Variants in KCNN3 observed in about 807,000 individuals in gnomAD.
KCNN3 encodes the protein potassium calcium-activated channel subfamily N member 3, also known as small conductance calcium-activated potassium channel protein 3.
Under a neutral mutation model 62.9 loss-of-function variants are expected in KCNN3, and 16 were observed. The ratio of observed to expected loss-of-function variants is 0.25; its 90% CI spans 0.17 to 0.39. KCNN3 has a LOEUF of 0.39. KCNN3 is among the 10% of genes least tolerant of loss of function. The pLI, the probability that KCNN3 is intolerant of heterozygous loss-of-function variation, is 1.00. For synonymous variants in KCNN3, 370 were observed against 389.2 expected (o/e 0.95, Z 0.58); for missense variants, 599 against 949.4 (o/e 0.63, Z 4.85).
chr1:154,771,269 C>T (rs1648548918), intron 3 of KCNN3, among the ~76,000 whole-genome samples: 1 of 152,096 alleles, frequency 6.6e-6, no homozygotes, highest in Non-Finnish European at 1.5e-5. Flanking sequence ...CAGGCCACAT[C>T]TCCCTTCTTT....
intron 3 of KCNN3, among the ~76,000 whole-genome samples, chr1:154,767,560 G>A (rs965766919): frequency 6.6e-6 from 1 of 152,250 alleles, no homozygotes; most frequent in Non-Finnish European, 1.5e-5. Flanking sequence ...GGCACGCTAG[G>A]AAGGCTGGCT....
At chr1:154,842,411 GGCAGCAC>G (rs1209385235) in intron 1 of KCNN3, among the ~76,000 whole-genome samples, 1 of 152,142 alleles carries the variant, frequency 6.6e-6, no homozygotes, top group Admixed American at 6.5e-5. Context: ...GGGGCCCTGG[GGCAGCAC>G]CCCACACTTG....
chr1:154,719,616 C>G (rs1219787199), intron 5 of KCNN3, among the ~76,000 whole-genome samples: 5 of 152,160 alleles, frequency 3.3e-5, no homozygotes, highest in Non-Finnish European at 5.9e-5. Flanking sequence ...TGAAATTAGG[C>G]TGAGTGATGA....
chr1:154,849,775 C>T (rs759497963), intron 1 of KCNN3, among the ~76,000 whole-genome samples: 1 of 152,162 alleles, frequency 6.6e-6, no homozygotes, highest in Non-Finnish European at 1.5e-5. Context: ...AATGAGTCAT[C>T]GAAAGCAGGG....
intron 1 of KCNN3, among the ~76,000 whole-genome samples, chr1:154,867,384 CG>C (rs1652995560): frequency 6.6e-6 from 1 of 152,204 alleles, no homozygotes. Context: ...TTGACTAAGG[CG>C]GCTTCCAGGT....
rs1002151198 is a variant in KCNN3 at position 154,697,788 on chromosome 1, T to A, written c.*10188A>T. 2.0e-5 allele frequency: 3 copies of A among 152,242 alleles called. No individual in the cohort carries two copies. Among genetic ancestry groups the A allele is most frequent in the African/African-American group, 7.2e-5 (3 of 41,454 alleles). The allele number at this position is 152,242 out of a possible 1,614,324, so 9.4% of individuals were successfully genotyped here. A position where few individuals can be genotyped will look rare whatever the true frequency, so the allele number is the denominator to read the frequency against. ...GGTGGCCAGCAGTAGAACTGAAGCCTGTAAGTTTTCATTCACTCCTAAAGT... is the reference window on the plus strand; with the variant it reads ...GGTGGCCAGCAGTAGAACTGAAGCCAGTAAGTTTTCATTCACTCCTAAAGT... On this transcript the variant is annotated 3_prime_UTR_variant, in exon 8 of 8. Coordinates refer to ENST00000271915, the MANE Select transcript of KCNN3 (RefSeq NM_002249.6).
chr1:154,766,162 G>A (rs1648261371), intron 3 of KCNN3, among the ~76,000 whole-genome samples: 1 of 151,638 alleles, frequency 6.6e-6, no homozygotes, highest in African/African-American at 2.4e-5. Flanking sequence ...CCTACAGGAG[G>A]CTAACTTCTC....
intron 1 of KCNN3, among the ~76,000 whole-genome samples, chr1:154,863,779 C>A (rs1652856613): frequency 6.6e-6 from 1 of 152,184 alleles, no homozygotes; most frequent in Non-Finnish European, 1.5e-5. Flanking sequence ...GAGATAAGTG[C>A]CCCAGCCAGG....
intron 2 of KCNN3, among the ~76,000 whole-genome samples, chr1:154,774,339 C>G (rs986717923): frequency 1.3e-5 from 2 of 152,222 alleles, no homozygotes; most frequent in Non-Finnish European, 2.9e-5. Flanking sequence ...GACTGAGCAC[C>G]TGCTGTGTGT....
chr1:154,818,304 AG>A (rs746251271), intron 2 of KCNN3, among the ~76,000 whole-genome samples: 1 of 152,132 alleles, frequency 6.6e-6, no homozygotes, highest in Non-Finnish European at 1.5e-5. Context: ...GAACCAGGCC[AG>A]GGGGCAAGTT....
At chr1:154,781,405 A>G (rs961254349) in intron 2 of KCNN3, among the ~76,000 whole-genome samples, 6 of 152,116 alleles carry the variant, frequency 3.9e-5, no homozygotes, top group African/African-American at 1.4e-4. Flanking sequence ...GTGGTTTTCC[A>G]TTTTCTCTGG....
At chr1:154,770,261 T>C (rs368710151) in intron 3 of KCNN3, among the ~76,000 whole-genome samples, 2 of 152,244 alleles carry the variant, frequency 1.3e-5, no homozygotes, top group African/African-American at 4.8e-5. Flanking sequence ...TCTCAGAACC[T>C]GAACCTGCAT....
chr1:154,857,494 C>T (rs1316126307), intron 1 of KCNN3, among the ~76,000 whole-genome samples: 1 of 68,482 alleles, frequency 1.5e-5, no homozygotes, highest in Non-Finnish European at 2.7e-5. Context: ...GGGAGGCTGG[C>T]AGGGGACTGA....
intron 2 of KCNN3, among the ~76,000 whole-genome samples, chr1:154,799,982 C>A (rs895890351): frequency 5.3e-5 from 8 of 152,238 alleles, no homozygotes; most frequent in African/African-American, 1.7e-4. Context: ...AGCTGCCTCA[C>A]CTGTAAACGG....
rs76610518 is a variant in KCNN3 at position 154,772,282 on chromosome 1, C to G, written c.1141G>C (p.Glu381Gln). 4.5e-4 allele frequency: 728 copies of G among 1,614,078 alleles called. No individual in the cohort carries two copies. Among genetic ancestry groups the G allele is most frequent in the Non-Finnish European group, 5.8e-4 (679 of 1,180,036 alleles). Residue 381 changes from glutamate (E) to glutamine (Q), a missense_variant, in exon 3 of 8, where the codon GAG becomes CAG. Transcript: ENST00000271915. This position sits in a 1 kb window ranked among gnomAD's most constrained non-coding sequence, Gnocchi z 5.6. ...CGTGCCGTCCAGAAGAACTTGTACT[C>G]GCCAGGAATGGGGTGGATGGCGCAC... ...LVCAIHPIPG[E>Q]YKFFWTARLA...
intron 3 of KCNN3, among the ~76,000 whole-genome samples, chr1:154,755,504 GAAGAAAGAAAGA>G (rs142240424): frequency 2.7e-5 from 3 of 109,798 alleles, no homozygotes; most frequent in Non-Finnish European, 5.7e-5. Flanking sequence ...AGAAAGAAAG[GAAGAAAGAAAGA>G]AAGAAAGAAA....
In KCNN3 at chr1:154,755,537, G is replaced by GAAA. The variant is rs1192451518; in HGVS notation, c.1448+16437_1448+16438insTTT. Among the ~76,000 whole-genome samples, 6 of 107,128 alleles carry GAAA rather than the reference G, an allele frequency of 5.6e-5. No homozygotes were observed. In the South Asian group the frequency reaches 1.8e-3, roughly 32 times the overall value. 70.3% of individuals were successfully genotyped at this position (107,128 alleles called of 152,430 possible). On this transcript the variant is annotated intron_variant, in intron 3 of 7. Coordinates refer to ENST00000271915, the MANE Select transcript of KCNN3 (RefSeq NM_002249.6). ...AAAGAAAGAAAGAAAGAAGAAGAAA[G>GAAA]GAAAGGAAGGAAGGAAGAAAGAAAG...
chr1:154,763,148 A>AC (rs1648100022), intron 3 of KCNN3, among the ~76,000 whole-genome samples: 1 of 152,156 alleles, frequency 6.6e-6, no homozygotes, highest in Admixed American at 6.5e-5. Flanking sequence ...ACATCCTAAG[A>AC]ATCAGTAGTT....
At chr1:154,810,695 C>T (rs1650369931) in intron 2 of KCNN3, among the ~76,000 whole-genome samples, 1 of 152,162 alleles carries the variant, frequency 6.6e-6, no homozygotes, top group African/African-American at 2.4e-5. Context: ...TGAGGGCCTC[C>T]AGAGCTGCTG....
Sources: gnomAD v4.1 joint callset for allele counts (sites outside exome capture counted in the v4.1 genomes callset) on GRCh38, gnomAD v4.1.1 for gene constraint, Gnocchi (gnomAD v3.1) non-coding constraint, MANE v1.5 for transcripts, NCBI Gene and HGNC (gene_info 2026-07-23, HGNC 2026-07-21) for gene names.